Variants in ZNF474 observed in about 807,000 individuals in gnomAD.
ZNF474 encodes the protein 4933409D10Rik.
For synonymous variants in ZNF474, 192 were observed against 162.2 expected, an observed-to-expected ratio of 1.18 and a Z score of -1.39; for missense variants, 511 against 433.8, an observed-to-expected ratio of 1.18 and a Z score of -1.58.
intron 1 of ZNF474, among the ~76,000 whole-genome samples, chr5:122,134,765 T>G (rs1755658967): frequency 6.6e-6 from 1 of 151,810 alleles, no homozygotes; most frequent in Non-Finnish European, 1.5e-5. Flanking sequence ...TACTTGGGGG[T>G]TCTCTTTAGA....
At chr5:122,151,321 T>A (rs1756163167) in intron 1 of ZNF474, among the ~76,000 whole-genome samples, 1 of 152,210 alleles carries the variant, frequency 6.6e-6, no homozygotes, top group Non-Finnish European at 1.5e-5. Context: ...AAGGAATCCA[T>A]GTCACTAACA....
chr5:122,131,840 C>A (rs1180643566), intron 1 of ZNF474, among the ~76,000 whole-genome samples: 2 of 151,820 alleles, frequency 1.3e-5, no homozygotes, highest in Non-Finnish European at 2.9e-5. Context: ...AACATTTTTT[C>A]TTTTTAATGT....
intron 1 of ZNF474, among the ~76,000 whole-genome samples, chr5:122,142,911 A>G (rs1273951978): frequency 1.3e-5 from 2 of 152,110 alleles, no homozygotes; most frequent in Admixed American, 1.3e-4. Flanking sequence ...ATAGAGGCAC[A>G]TTGATTCATG....
At chr5:122,139,398 T>A (rs1048187792) in intron 1 of ZNF474, among the ~76,000 whole-genome samples, 13 of 152,208 alleles carry the variant, frequency 8.5e-5, no homozygotes, top group Non-Finnish European at 1.8e-4. Context: ...AATGTAATGA[T>A]CTTTCATGTA....
chr5:122,141,325 T>C (rs952432144), intron 1 of ZNF474, among the ~76,000 whole-genome samples: 1 of 92,672 alleles, frequency 1.1e-5, no homozygotes, highest in Non-Finnish European at 2.3e-5. Context: ...TTTTTTTTTT[T>C]GTGAGAGGGA....
intron 1 of ZNF474, among the ~76,000 whole-genome samples, chr5:122,150,188 A>G (rs371535299): frequency 6.1e-4 from 93 of 152,228 alleles, no homozygotes; most frequent in Non-Finnish European, 4.6e-4. Flanking sequence ...CCCTATTCCT[A>G]TGTTCCATAG....
chr5:122,152,526 ATCT>A lies in ZNF474; in HGVS notation c.541_543del (p.Leu181del), dbSNP rs1209027348. On this transcript the variant is annotated inframe_deletion, in exon 2 of 2. Coordinates refer to ENST00000296600, the MANE Select transcript of ZNF474 (RefSeq NM_207317.3). ...TGTGGCCGCACATTCTTGCCAGATC[ATCT>A]TCTTGTTCATCACAGAAGCTGCAAG... The A allele has an allele frequency of 1.2e-6, 2 of 1,614,016 alleles. No individual in the cohort carries two copies. Among genetic ancestry groups the A allele is most frequent in the East Asian group, 2.2e-5 (1 of 44,878 alleles).
chr5:122,137,648 T>C (rs1755737045), intron 1 of ZNF474, among the ~76,000 whole-genome samples: 1 of 151,836 alleles, frequency 6.6e-6, no homozygotes, highest in Non-Finnish European at 1.5e-5. Context: ...GAGTTTGACT[T>C]GCCTGAGGAA....
At chr5:122,133,248 G>A (rs893969601) in intron 1 of ZNF474, among the ~76,000 whole-genome samples, 4 of 152,140 alleles carry the variant, frequency 2.6e-5, no homozygotes, top group South Asian at 2.1e-4. Context: ...GAAAAAGCAG[G>A]AGGAGAATAT....
chr5:122,151,842 A>G lies in ZNF474; in HGVS notation c.-149A>G. 1.1e-6 allele frequency: 1 copy of G among 912,774 alleles called. No homozygotes were observed. Among genetic ancestry groups the G allele is most frequent in the Non-Finnish European group, 1.6e-6 (1 of 614,016 alleles). The allele number at this position is 912,774 out of a possible 1,614,324, so 56.5% of individuals were successfully genotyped here. A position where few individuals can be genotyped will look rare whatever the true frequency, so the allele number is the denominator to read the frequency against. On this transcript the variant is annotated 5_prime_UTR_variant, in exon 2 of 2. The change abolishes the stop of an existing upstream ORF in the 5' untranslated region. Coordinates refer to ENST00000296600, the MANE Select transcript of ZNF474 (RefSeq NM_207317.3). ...CATTCCAGACTGCCGTCCTGCAATGAAGCTCTGAGTCACGGTCTGTGAGGC... is the reference window on the plus strand; with the variant it reads ...CATTCCAGACTGCCGTCCTGCAATGGAGCTCTGAGTCACGGTCTGTGAGGC...
At chr5:122,144,355 A>G (rs765915410) in intron 1 of ZNF474, among the ~76,000 whole-genome samples, 1 of 152,192 alleles carries the variant, frequency 6.6e-6, no homozygotes, top group Non-Finnish European at 1.5e-5. Flanking sequence ...TGAACTATAA[A>G]TTAGTGAATC....
chr5:122,147,345 T>G (rs1441916296), intron 1 of ZNF474, among the ~76,000 whole-genome samples: 1 of 152,222 alleles, frequency 6.6e-6, no homozygotes, highest in African/African-American at 2.4e-5. Context: ...GATCATATCA[T>G]GTATCAACTA....
At chr5:122,150,963 T>C (rs1347727708) in intron 1 of ZNF474, among the ~76,000 whole-genome samples, 1 of 152,214 alleles carries the variant, frequency 6.6e-6, no homozygotes, top group Non-Finnish European at 1.5e-5. Context: ...TAGGCTGTAC[T>C]CTTTGCTGGA....
chr5:122,133,099 G>C (rs1291172379), intron 1 of ZNF474, among the ~76,000 whole-genome samples: 1 of 151,962 alleles, frequency 6.6e-6, no homozygotes, highest in Non-Finnish European at 1.5e-5. Context: ...ATCTTATTCA[G>C]GAATCATAAT....
chr5:122,135,602 G>A (rs1220393603), intron 1 of ZNF474, among the ~76,000 whole-genome samples: 1 of 152,110 alleles, frequency 6.6e-6, no homozygotes, highest in Non-Finnish European at 1.5e-5. Flanking sequence ...AAAACTAAGA[G>A]TAGAACTACA....
chr5:122,134,324 A>G (rs1398947686), intron 1 of ZNF474, among the ~76,000 whole-genome samples: 1 of 152,240 alleles, frequency 6.6e-6, no homozygotes, highest in Non-Finnish European at 1.5e-5. Flanking sequence ...AGGAGACTCT[A>G]ACAGGAGCCT....
chr5:122,142,936 C>A (rs758998366), intron 1 of ZNF474, among the ~76,000 whole-genome samples: 1 of 152,056 alleles, frequency 6.6e-6, no homozygotes, highest in Non-Finnish European at 1.5e-5. Flanking sequence ...CAGCAGAGAC[C>A]CAGCCTGCCT....
chr5:122,141,385 T>C (rs1291250206), intron 1 of ZNF474, among the ~76,000 whole-genome samples: 1 of 144,360 alleles, frequency 6.9e-6, no homozygotes, highest in African/African-American at 2.6e-5. Flanking sequence ...TTTGACTCAC[T>C]GCAACCTCTG....
At chr5:122,138,502 C>A (rs1755760805) in intron 1 of ZNF474, among the ~76,000 whole-genome samples, 1 of 152,178 alleles carries the variant, frequency 6.6e-6, no homozygotes, top group Admixed American at 6.5e-5. Context: ...GAACAAAGAA[C>A]AAAACGAAGA....
Sources: gnomAD v4.1 joint callset for allele counts (sites outside exome capture counted in the v4.1 genomes callset) on GRCh38, gnomAD v4.1.1 for gene constraint, MANE v1.5 for transcripts, NCBI Gene and HGNC (gene_info 2026-07-23, HGNC 2026-07-21) for gene names.